Variants in SCGB2B2 observed in about 807,000 individuals in gnomAD.
SCGB2B2 encodes the protein secretoglobin-like protein.
In SCGB2B2, 11 loss-of-function variants were observed where a neutral mutation model predicts 7.6. The observed-to-expected ratio is 1.45, with a 90% CI of 0.91 to 2.40. The LOEUF is 2.40. SCGB2B2 is among the 30% of genes most tolerant of loss of function. SCGB2B2 has a pLI of 0.00. For synonymous variants in SCGB2B2, 50 were observed against 48.6 expected (o/e 1.03, Z -0.12); for missense variants, 104 against 115.4 (o/e 0.90, Z 0.45).
chr19:34,630,266 A>T (rs1300734063), intron 1 of SCGB2B2, among the ~76,000 whole-genome samples: 1 of 151,962 alleles, frequency 6.6e-6, no homozygotes, highest in Non-Finnish European at 1.5e-5. Context: ...GACAAATGGG[A>T]TCTAATTAAA....
chr19:34,621,164 T>G (rs2066230866), intron 1 of SCGB2B2, among the ~76,000 whole-genome samples: 1 of 152,218 alleles, frequency 6.6e-6, no homozygotes, highest in African/African-American at 2.4e-5. Context: ...TAATTATAAC[T>G]TTTTTTGTAT....
chr19:34,658,920 C>T, intron 1 of SCGB2B2, among the ~76,000 whole-genome samples: 1 of 151,796 alleles, frequency 6.6e-6, no homozygotes, highest in East Asian at 1.9e-4. Context: ...TCCAGCAGCA[C>T]ATCAAAAAAG....
chr19:34,631,072 C>T (rs1479504893), intron 1 of SCGB2B2, among the ~76,000 whole-genome samples: 1 of 130,370 alleles, frequency 7.7e-6, no homozygotes, highest in African/African-American at 3.0e-5. Flanking sequence ...AATGAGAACA[C>T]GTGGACACAG....
intron 1 of SCGB2B2, among the ~76,000 whole-genome samples, chr19:34,634,445 A>G (rs1324737726): frequency 7.9e-5 from 12 of 152,204 alleles, no homozygotes; most frequent in Admixed American, 7.9e-4. Flanking sequence ...TAGAAAGTGC[A>G]ATGCAACTCC....
chr19:34,655,401 C>A (rs2067256318), intron 1 of SCGB2B2, among the ~76,000 whole-genome samples: 1 of 151,244 alleles, frequency 6.6e-6, no homozygotes, highest in African/African-American at 2.5e-5. Flanking sequence ...CCCAGGCATT[C>A]CTTTTTATTG....
intron 1 of SCGB2B2, among the ~76,000 whole-genome samples, chr19:34,660,397 C>G (rs952032857): frequency 1.3e-5 from 2 of 152,106 alleles, no homozygotes; most frequent in Non-Finnish European, 2.9e-5. Context: ...TGACAAAGGG[C>G]TAATATCCAG....
intron 1 of SCGB2B2, among the ~76,000 whole-genome samples, chr19:34,663,296 T>C (rs1249871501): frequency 6.6e-6 from 1 of 152,240 alleles, no homozygotes; most frequent in Non-Finnish European, 1.5e-5. Flanking sequence ...CAAATGTGAA[T>C]GTAAATGTGT....
intron 1 of SCGB2B2, among the ~76,000 whole-genome samples, chr19:34,669,139 C>T (rs569278015): frequency 4.6e-5 from 7 of 152,082 alleles, no homozygotes; most frequent in Non-Finnish European, 8.8e-5. Context: ...CAACTCCAGA[C>T]GCGCCGCCTT....
intron 1 of SCGB2B2, among the ~76,000 whole-genome samples, chr19:34,653,502 AAAT>A (rs1206407045): frequency 2.0e-5 from 3 of 151,134 alleles, no homozygotes; most frequent in Non-Finnish European, 4.4e-5. Flanking sequence ...CATCCATTTA[AAAT>A]AATAATAAAA....
intron 1 of SCGB2B2, among the ~76,000 whole-genome samples, chr19:34,629,654 G>C (rs1434892704): frequency 6.6e-6 from 1 of 151,980 alleles, no homozygotes; most frequent in Non-Finnish European, 1.5e-5. Flanking sequence ...CCATGCTCAT[G>C]GGTAGGAAGA....
chr19:34,675,366 T>C (rs1199775719), intron 1 of SCGB2B2, among the ~76,000 whole-genome samples: 2 of 152,180 alleles, frequency 1.3e-5, no homozygotes, highest in African/African-American at 4.8e-5. Flanking sequence ...GTGGCTGCTA[T>C]AGGAATTCAC....
intron 1 of SCGB2B2, among the ~76,000 whole-genome samples, chr19:34,615,504 G>T (rs416505): frequency 0.95 from 144,172 of 151,256 alleles, 69,123 homozygotes; most frequent in Middle Eastern, 0.99. Context: ...GAGTTTCTGT[G>T]ACTTTTCTGA....
chr19:34,663,351 A>G (rs1444827461), intron 1 of SCGB2B2, among the ~76,000 whole-genome samples: 2 of 152,236 alleles, frequency 1.3e-5, no homozygotes, highest in African/African-American at 2.4e-5. Flanking sequence ...GTTGTTCATG[A>G]TAATAGAATC....
chr19:34,658,813 CAAAA>C (rs138363297), intron 1 of SCGB2B2, among the ~76,000 whole-genome samples: 101 of 101,982 alleles, frequency 9.9e-4, no homozygotes, highest in African/African-American at 4.3e-3. Flanking sequence ...ACAACAACAA[CAAAA>C]AAAAAAAAAA....
chr19:34,628,307 T>TAGTTCAAC (rs1246205725), intron 1 of SCGB2B2, among the ~76,000 whole-genome samples: 1 of 151,816 alleles, frequency 6.6e-6, no homozygotes. Context: ...AAAAAAAAAC[T>TAGTTCAAC]CTTCAAAAAA....
intron 3 of SCGB2B2, 100 bp from the exon 4 acceptor site, chr19:34,593,699 A>G: frequency 1.1e-6 from 1 of 918,588 alleles, no homozygotes; most frequent in Non-Finnish European, 1.7e-6. Context: ...GAGCTCCTTG[A>G]GTGTGTCTGC....
chr19:34,604,932 T>C (rs1446123861), intron 1 of SCGB2B2, among the ~76,000 whole-genome samples: 2 of 134,250 alleles, frequency 1.5e-5, no homozygotes, highest in Non-Finnish European at 3.5e-5. Flanking sequence ...CTTTTGACAG[T>C]TGTGAAAAAC....
intron 1 of SCGB2B2, among the ~76,000 whole-genome samples, chr19:34,617,231 G>C (rs908805024): frequency 1.3e-5 from 2 of 151,930 alleles, no homozygotes; most frequent in Non-Finnish European, 2.9e-5. Context: ...GAAAGTCATT[G>C]GTAGCTTGAT....
At chr19:34,669,936 C>A (rs189472120) in intron 1 of SCGB2B2, among the ~76,000 whole-genome samples, 134 of 152,290 alleles carry the variant, frequency 8.8e-4, no homozygotes, top group African/African-American at 3.1e-3. Context: ...TATTGGGGTT[C>A]CCATGGGAAA....
Sources: allele counts gnomAD v4.1 joint callset (sites outside exome capture counted in the v4.1 genomes callset), GRCh38; gene constraint gnomAD v4.1.1; transcripts MANE v1.5; gene names NCBI Gene and HGNC (gene_info 2026-07-23, HGNC 2026-07-21).